The following LRGUK variants were observed in gnomAD, a reference collection of about 807,000 sequenced individuals.
The protein encoded by LRGUK is leucine rich repeats and guanylate kinase domain containing.
In LRGUK, 65 loss-of-function variants were observed where a neutral mutation model predicts 76.0. The observed-to-expected ratio is 0.85, with a 90% CI of 0.70 to 1.05. LRGUK has a LOEUF of 1.05. Ranked by LOEUF, LRGUK falls within the 50% of genes least tolerant of loss-of-function variation. The probability of loss-of-function intolerance (pLI) is 0.00; values close to 1 mark genes in which losing one functional copy is unlikely to be tolerated. For missense variants in LRGUK, 758 were observed against 732.8 expected (o/e 1.03, Z -0.40); for synonymous variants, 268 against 265.6 (o/e 1.01, Z -0.09).
At position 134,127,611 on chromosome 7, in the gene LRGUK, G is replaced by A. The variant is rs1797063503; in HGVS notation, c.244G>A (p.Glu82Lys). The change falls in exon 1 of 16, where the codon GAG becomes AAG. Residue 82 changes from glutamate (E) to lysine (K), a missense_variant. Glu to Lys is a moderately conservative substitution (Grantham distance 56). Coordinates refer to ENST00000645682, the Ensembl canonical transcript of LRGUK. ...CTCGGACGGAGATGAGGACCAGGGCGAGGGCGAGGCGGGATCCGAGGAGTC... is the reference window on the plus strand; with the variant it reads ...CTCGGACGGAGATGAGGACCAGGGCAAGGGCGAGGCGGGATCCGAGGAGTC... 6.2e-7 allele frequency: 1 copy of A among 1,614,056 alleles called. No individual in the cohort carries two copies.
At chr7:134,173,577 C>G in intron 7 of LRGUK, among the ~76,000 whole-genome samples, 1 of 152,030 alleles carries the variant, frequency 6.6e-6, no homozygotes. Flanking sequence ...AATCCAAGTT[C>G]TATTTCTGGT....
intron 17 of LRGUK, 101 bp from the exon 18 acceptor site, chr7:134,248,850 G>A: frequency 2.3e-6 from 2 of 885,932 alleles, no homozygotes; most frequent in Non-Finnish European, 1.5e-6. Context: ...GATCTCATTG[G>A]CATTTGCGTT....
chr7:134,231,530 T>C (rs1481168577), intron 16 of LRGUK, among the ~76,000 whole-genome samples: 2 of 124,474 alleles, frequency 1.6e-5, no homozygotes, highest in Admixed American at 8.0e-5. Context: ...CTTCCTTCCT[T>C]CCTCCCTTCC....
intron 15 of LRGUK, among the ~76,000 whole-genome samples, chr7:134,220,979 C>T (rs1015410023): frequency 2.6e-5 from 4 of 152,150 alleles, no homozygotes; most frequent in Non-Finnish European, 4.4e-5. Flanking sequence ...TCAATTCCCA[C>T]TCCTCTGACT....
intron 15 of LRGUK, among the ~76,000 whole-genome samples, chr7:134,217,854 A>G (rs1016081402): frequency 2.0e-5 from 3 of 152,126 alleles, no homozygotes; most frequent in Non-Finnish European, 4.4e-5. Context: ...TTTTACAGGT[A>G]TTTACATCAT....
Position 134,127,500 on chromosome 7 carries a change from C to T in LRGUK, c.133C>T (p.Pro45Ser). 3.7e-6 allele frequency: 6 copies of T among 1,614,144 alleles called. No homozygotes were observed. In the East Asian group the frequency reaches 1.1e-4, roughly 30 times the overall value. Residue 45 changes from proline (P) to serine (S), a missense_variant, in exon 1 of 16, where the codon CCC becomes TCC. By Grantham distance (74) the Pro-to-Ser change is moderately conservative. Coordinates refer to ENST00000645682, the Ensembl canonical transcript of LRGUK. ...AGAGCGTCAGCCTTGCTGGTCTTTT[C>T]CCATGGGGCAGAAGACGAAAGGCAG...
At chr7:134,261,199 A>G (rs868075662) in intron 19 of LRGUK, among the ~76,000 whole-genome samples, 2 of 152,256 alleles carry the variant, frequency 1.3e-5, no homozygotes, top group Non-Finnish European at 1.5e-5. Context: ...CTTAGCAACT[A>G]TATCATACTG....
intron 5 of LRGUK, among the ~76,000 whole-genome samples, chr7:134,150,332 C>G (rs11973675): frequency 6.6e-6 from 1 of 151,280 alleles, no homozygotes; most frequent in African/African-American, 2.4e-5. Context: ...CCTGATGGCA[C>G]GTGCCTGTAG....
At chr7:134,244,341 TAAAC>T (rs1802240133) in intron 16 of LRGUK, among the ~76,000 whole-genome samples, 1 of 150,566 alleles carries the variant, frequency 6.6e-6, no homozygotes, top group Admixed American at 6.6e-5. Context: ...ACAAAGAACT[TAAAC>T]AAATTTACAA....
At chr7:134,250,890 C>G (rs956448987) in intron 18 of LRGUK, among the ~76,000 whole-genome samples, 1 of 152,194 alleles carries the variant, frequency 6.6e-6, no homozygotes. Context: ...GCCTGTGGCT[C>G]AAGTCTCACA....
At chr7:134,233,955 T>C (rs1247937469) in intron 16 of LRGUK, among the ~76,000 whole-genome samples, 1 of 152,198 alleles carries the variant, frequency 6.6e-6, no homozygotes, top group Non-Finnish European at 1.5e-5. Flanking sequence ...TAAACTTTCT[T>C]AAAACATGAG....
At chr7:134,260,984 G>A in intron 19 of LRGUK, among the ~76,000 whole-genome samples, 1 of 152,204 alleles carries the variant, frequency 6.6e-6, no homozygotes, top group East Asian at 1.9e-4. Context: ...AAGGGCAGGT[G>A]AAAGCACCAT....
chr7:134,208,603 C>G (rs541955360), intron 15 of LRGUK: 2 of 397,466 alleles, frequency 5.0e-6, no homozygotes, highest in South Asian at 2.9e-4. Context: ...TTATTCCTTT[C>G]AAGGGCCTAT....
chr7:134,232,144 A>G (rs1801916246), intron 16 of LRGUK, among the ~76,000 whole-genome samples: 1 of 152,188 alleles, frequency 6.6e-6, no homozygotes, highest in South Asian at 2.1e-4. Flanking sequence ...CTTCTGGTCT[A>G]CTTGTACTGA....
intron 7 of LRGUK, among the ~76,000 whole-genome samples, chr7:134,172,357 A>G (rs1799291033): frequency 6.6e-6 from 1 of 152,152 alleles, no homozygotes; most frequent in Non-Finnish European, 1.5e-5. Context: ...GAAATTACAT[A>G]TTCTATATAA....
chr7:134,143,684 C>T (rs920668063), intron 4 of LRGUK, among the ~76,000 whole-genome samples: 1 of 152,172 alleles, frequency 6.6e-6, no homozygotes, highest in Non-Finnish European at 1.5e-5. Context: ...GAAAATAATG[C>T]TTTCAGATCT....
intron 4 of LRGUK, among the ~76,000 whole-genome samples, chr7:134,145,831 G>A (rs1376948130): frequency 2.0e-5 from 3 of 152,154 alleles, no homozygotes; most frequent in Non-Finnish European, 4.4e-5. Context: ...TTCCTAGAGC[G>A]GGGACTTGTA....
chr7:134,273,420 A>ACTC, the LRGUK span, among the ~76,000 whole-genome samples: 2 of 151,884 alleles, frequency 1.3e-5, no homozygotes, highest in Non-Finnish European at 2.9e-5. Flanking sequence ...TGCATAACAG[A>ACTC]CTCTTTATAA....
chr7:134,187,708 C>T (rs1800034642), intron 11 of LRGUK, among the ~76,000 whole-genome samples: 1 of 152,152 alleles, frequency 6.6e-6, no homozygotes, highest in Non-Finnish European at 1.5e-5. Flanking sequence ...CAGCTGAGCA[C>T]CCCACAAATC....
Sources: allele counts gnomAD v4.1 joint callset (sites outside exome capture counted in the v4.1 genomes callset), GRCh38; gene constraint gnomAD v4.1.1; transcripts MANE v1.5; gene names NCBI Gene and HGNC (gene_info 2026-07-23, HGNC 2026-07-21).